The following FGGY variants were observed in gnomAD, a reference collection of about 807,000 sequenced individuals.
FGGY encodes the protein FGGY carbohydrate kinase domain-containing protein.
Under a neutral mutation model 71.3 loss-of-function variants are expected in FGGY, and 72 were observed. That is an observed-to-expected ratio of 1.01 (90% CI 0.84 to 1.23). The LOEUF is 1.23. Ranked by LOEUF, FGGY falls within the 50% of genes most tolerant of loss-of-function variation. The pLI, the probability that FGGY is intolerant of heterozygous loss-of-function variation, is 0.00. For missense variants in FGGY, 668 were observed against 682.3 expected (o/e 0.98, Z 0.23); for synonymous variants, 251 against 250.3 (o/e 1.00, Z -0.02).
rs2046418426 is a variant in FGGY at position 59,321,721 on chromosome 1, A to G, written c.172A>G (p.Ile58Val). ...FNHHEQSSEDIWAACCVVTKK... is the reference protein window; with the variant it reads ...FNHHEQSSEDVWAACCVVTKK... ...CCACCATGAGCAGTCCTCCGAGGAC[A>G]TCTGGGCTGCGTGCTGTGTTGTCAC... Residue 58 changes from isoleucine (I) to valine (V), a missense_variant, in exon 2 of 16, where the codon ATC becomes GTC. Coordinates refer to ENST00000303721, the MANE Select transcript of FGGY (RefSeq NM_018291.5). The G allele has an allele frequency of 1.2e-6, 2 of 1,612,334 alleles. No individual in the cohort carries two copies. The highest frequency in any genetic ancestry group is 1.7e-6 in the Non-Finnish European group (2 of 1,179,264).
chr1:59,546,774 T>G (rs973092452), intron 7 of FGGY, among the ~76,000 whole-genome samples: 6 of 151,924 alleles, frequency 3.9e-5, no homozygotes, highest in African/African-American at 1.5e-4. Context: ...CTCGATCTCC[T>G]GACCTCGTGA....
intron 7 of FGGY, among the ~76,000 whole-genome samples, chr1:59,552,104 G>A (rs765871069): frequency 4.6e-5 from 7 of 152,290 alleles, no homozygotes; most frequent in Admixed American, 3.3e-4. Flanking sequence ...GGAGGGAGGA[G>A]GGAGGTGGTG....
chr1:59,461,130 A>G (rs2092169619), intron 6 of FGGY, among the ~76,000 whole-genome samples: 1 of 152,224 alleles, frequency 6.6e-6, no homozygotes, highest in East Asian at 1.9e-4. Flanking sequence ...TCCGAGCTAA[A>G]GGAGGATATT....
At chr1:59,642,895 C>G (rs1395148092) in intron 11 of FGGY, among the ~76,000 whole-genome samples, 2 of 151,378 alleles carry the variant, frequency 1.3e-5, no homozygotes, top group East Asian at 3.9e-4. Flanking sequence ...ATTAGCCGGG[C>G]ATGGTGGCGG....
intron 4 of FGGY, among the ~76,000 whole-genome samples, chr1:59,373,555 A>G (rs1302360583): frequency 6.6e-6 from 1 of 152,268 alleles, no homozygotes; most frequent in Admixed American, 6.5e-5. Context: ...GGAAAAAACT[A>G]CTTTAAAGTT....
At position 59,313,784 on chromosome 1, in the gene FGGY, A is replaced by G. The variant is rs963509039; in HGVS notation, c.-14-7752A>G. Among the ~76,000 whole-genome samples the G allele has an allele frequency of 5.3e-5, 8 of 152,330 alleles. No homozygotes were observed. The East Asian group carries it at 5.8e-4, about 11-fold the overall frequency. On this transcript the variant is annotated intron_variant, in intron 1 of 15. Coordinates refer to ENST00000303721, the MANE Select transcript of FGGY (RefSeq NM_018291.5). ...GATGCAAAGGCATAAGAATGACACA[A>G]TGGACATTGGGGACTCAGTGGGAAA...
At chr1:59,499,554 G>T (rs767730359) in intron 6 of FGGY, among the ~76,000 whole-genome samples, 1 of 152,032 alleles carries the variant, frequency 6.6e-6, no homozygotes, top group Non-Finnish European at 1.5e-5. Context: ...CATGGAAAGC[G>T]AAACTGCAGA....
intron 6 of FGGY, among the ~76,000 whole-genome samples, chr1:59,487,079 A>G (rs1339066319): frequency 6.6e-6 from 1 of 152,146 alleles, no homozygotes; most frequent in Admixed American, 6.5e-5. Flanking sequence ...TTCAGTGTAT[A>G]TAGAACTGTA....
intron 14 of FGGY, among the ~76,000 whole-genome samples, chr1:59,694,899 T>G (rs1041537941): frequency 1.3e-5 from 2 of 152,218 alleles, no homozygotes; most frequent in African/African-American, 2.4e-5. Context: ...TCTCCCAGGT[T>G]GGATAGGCAT....
intron 7 of FGGY, among the ~76,000 whole-genome samples, chr1:59,516,597 A>G (rs1386710793): frequency 1.3e-5 from 2 of 152,222 alleles, no homozygotes; most frequent in African/African-American, 4.8e-5. Flanking sequence ...GTGAGAGACA[A>G]CAGAATGCAG....
At chr1:59,582,553 C>A (rs765066008) in intron 8 of FGGY, among the ~76,000 whole-genome samples, 15 of 149,662 alleles carry the variant, frequency 1.0e-4, no homozygotes, top group Non-Finnish European at 2.1e-4. Flanking sequence ...CTGCCTATAG[C>A]ACCCTTCCCT....
intron 8 of FGGY, among the ~76,000 whole-genome samples, chr1:59,589,738 A>G (rs1415614689): frequency 6.6e-6 from 1 of 152,220 alleles, no homozygotes; most frequent in East Asian, 1.9e-4. Context: ...ATTGAAACCA[A>G]CGAGAACAAA....
At chr1:59,356,944 C>T (rs1005898566) in intron 4 of FGGY, among the ~76,000 whole-genome samples, 20 of 152,218 alleles carry the variant, frequency 1.3e-4, no homozygotes, top group African/African-American at 4.1e-4. Context: ...CCCTTCACCC[C>T]CCAGGAGAAT....
At chr1:59,414,984 G>A (rs1233641690) in intron 5 of FGGY, among the ~76,000 whole-genome samples, 1 of 152,200 alleles carries the variant, frequency 6.6e-6, no homozygotes, top group Non-Finnish European at 1.5e-5. Context: ...CATTCTTTCT[G>A]TGTGGTTGGT....
chr1:59,537,289 A>G (rs1398911142), intron 7 of FGGY, among the ~76,000 whole-genome samples: 2 of 152,152 alleles, frequency 1.3e-5, no homozygotes, highest in African/African-American at 4.8e-5. Flanking sequence ...CCAACTTACA[A>G]GGGATGTGAA....
chr1:59,761,723 T>C (rs902483530), intron 15 of FGGY, among the ~76,000 whole-genome samples: 1 of 152,208 alleles, frequency 6.6e-6, no homozygotes, highest in Non-Finnish European at 1.5e-5. Context: ...GTGAGATGTC[T>C]GGAAGGCGAG....
intron 3 of FGGY, among the ~76,000 whole-genome samples, chr1:59,345,109 G>A (rs2051548788): frequency 6.6e-6 from 1 of 152,142 alleles, no homozygotes; most frequent in Non-Finnish European, 1.5e-5. Context: ...GTATCAGAGG[G>A]TTGTTTTGAG....
intron 5 of FGGY, among the ~76,000 whole-genome samples, chr1:59,444,331 G>C (rs1034627061): frequency 4.6e-5 from 7 of 152,280 alleles, no homozygotes; most frequent in African/African-American, 1.7e-4. Flanking sequence ...ACATAGCAAA[G>C]TTTCCATACA....
At chr1:59,707,783 C>T (rs968418397) in intron 14 of FGGY, among the ~76,000 whole-genome samples, 5 of 152,192 alleles carry the variant, frequency 3.3e-5, no homozygotes, top group African/African-American at 9.7e-5. Context: ...GATCAGCCAT[C>T]ATGGACTCTT....
Sources: allele counts gnomAD v4.1 joint callset (sites outside exome capture counted in the v4.1 genomes callset), GRCh38; gene constraint gnomAD v4.1.1; transcripts MANE v1.5; gene names NCBI Gene and HGNC (gene_info 2026-07-23, HGNC 2026-07-21).